The following PHLPP1 variants were observed in gnomAD, a reference collection of about 807,000 sequenced individuals.
The protein encoded by PHLPP1 is PH domain leucine-rich repeat-containing protein phosphatase 1.
PHLPP1 carries 42 observed loss-of-function variants against 117.2 expected under a neutral mutation model. That is an observed-to-expected ratio of 0.36 (90% CI 0.28 to 0.46). The LOEUF (loss-of-function observed/expected upper bound fraction) is 0.46. Ranked by LOEUF, PHLPP1 falls within the 20% of genes least tolerant of loss-of-function variation. The probability of loss-of-function intolerance (pLI) is 1.00; values close to 1 mark genes in which losing one functional copy is unlikely to be tolerated. For missense variants in PHLPP1, 2,084 were observed against 2,241.9 expected (o/e 0.93, Z 1.42); for synonymous variants, 1,042 against 970.7 (o/e 1.07, Z -1.37).
chr18:62,950,623 G>A (rs1910424499), intron 12 of PHLPP1, among the ~76,000 whole-genome samples: 1 of 152,202 alleles, frequency 6.6e-6, no homozygotes, highest in Admixed American at 6.5e-5. Context: ...GACAGGTCAG[G>A]AACCAAGTTT....
intron 1 of PHLPP1, among the ~76,000 whole-genome samples, chr18:62,737,808 T>C (rs1471733507): frequency 6.6e-6 from 1 of 152,014 alleles, no homozygotes; most frequent in African/African-American, 2.4e-5. Context: ...AGAAGTTAGA[T>C]GAAGGTCTAC....
chr18:62,812,716 CT>C (rs67924353), intron 1 of PHLPP1, among the ~76,000 whole-genome samples: 8,872 of 146,008 alleles, frequency 0.061, 323 homozygotes, highest in Middle Eastern at 0.093. Context: ...TGCCTGTGAC[CT>C]TTTTTTTTTT....
intron 1 of PHLPP1, among the ~76,000 whole-genome samples, 157 bp from the exon 2 acceptor site, chr18:62,829,878 C>G (rs1179260462): frequency 6.6e-6 from 1 of 152,162 alleles, no homozygotes; most frequent in African/African-American, 2.4e-5. Flanking sequence ...TACCATAATT[C>G]CATTATGACA....
chr18:62,972,816 G>T, intron 15 of PHLPP1, 108 bp downstream of exon 15: 3 of 817,004 alleles, frequency 3.7e-6, no homozygotes, highest in Non-Finnish European at 5.8e-6. Flanking sequence ...CATGTTTTTT[G>T]ACTATGAGTA....
At chr18:62,803,927 C>A (rs1913857746) in intron 1 of PHLPP1, among the ~76,000 whole-genome samples, 1 of 152,026 alleles carries the variant, frequency 6.6e-6, no homozygotes, top group African/African-American at 2.4e-5. Flanking sequence ...ATTCGCATTT[C>A]CCTGAAACTA....
At chr18:62,773,267 C>G (rs1361100516) in intron 1 of PHLPP1, among the ~76,000 whole-genome samples, 3 of 152,144 alleles carry the variant, frequency 2.0e-5, no homozygotes, top group Non-Finnish European at 4.4e-5. Context: ...TGGAAAACAT[C>G]AAGCAGTATA....
At chr18:62,918,081 C>T (rs983637964) in intron 9 of PHLPP1, among the ~76,000 whole-genome samples, 5 of 151,594 alleles carry the variant, frequency 3.3e-5, no homozygotes, top group Non-Finnish European at 7.4e-5. Flanking sequence ...TGGTGCACGC[C>T]TGTAGTCCCA....
At chr18:62,913,341 T>C (rs767775221) in intron 8 of PHLPP1, among the ~76,000 whole-genome samples, 31 of 152,150 alleles carry the variant, frequency 2.0e-4, no homozygotes, top group Non-Finnish European at 3.1e-4. Flanking sequence ...GGGCTTCAAA[T>C]CCAGAACTGT....
At chr18:62,723,774 T>C (rs1910989688) in intron 1 of PHLPP1, among the ~76,000 whole-genome samples, 1 of 152,186 alleles carries the variant, frequency 6.6e-6, no homozygotes, top group African/African-American at 2.4e-5. Context: ...ATGTACTGCT[T>C]TTTAGAGAAA....
intron 10 of PHLPP1, among the ~76,000 whole-genome samples, chr18:62,926,779 G>A (rs1001370161): frequency 3.3e-5 from 5 of 152,196 alleles, no homozygotes; most frequent in Non-Finnish European, 7.3e-5. Flanking sequence ...AGCATCTTCT[G>A]TGAGAAATGT....
intron 10 of PHLPP1, among the ~76,000 whole-genome samples, chr18:62,930,567 C>A (rs765891887): frequency 2.6e-5 from 4 of 152,098 alleles, no homozygotes; most frequent in African/African-American, 4.8e-5. Flanking sequence ...ATTTATAAAA[C>A]GAATACCAGA....
At chr18:62,885,552 C>T (rs566318784) in intron 4 of PHLPP1, among the ~76,000 whole-genome samples, 1 of 152,102 alleles carries the variant, frequency 6.6e-6, no homozygotes, top group South Asian at 2.1e-4. Context: ...CCCAGCTACT[C>T]GGGAGGCTGA....
At chr18:62,941,028 C>G (rs996826921) in intron 10 of PHLPP1, among the ~76,000 whole-genome samples, 2 of 152,136 alleles carry the variant, frequency 1.3e-5, no homozygotes, top group Non-Finnish European at 2.9e-5. Flanking sequence ...CTGGCTTCTT[C>G]TGGTCATTAT....
At chr18:62,729,587 A>C (rs914744803) in intron 1 of PHLPP1, among the ~76,000 whole-genome samples, 2 of 152,274 alleles carry the variant, frequency 1.3e-5, no homozygotes, top group East Asian at 3.9e-4. Flanking sequence ...AGGCAGGAGA[A>C]TCGCTTGAAC....
chr18:62,870,463 A>G (rs1336360929), intron 4 of PHLPP1, among the ~76,000 whole-genome samples: 1 of 152,154 alleles, frequency 6.6e-6, no homozygotes, highest in Admixed American at 6.5e-5. Flanking sequence ...TATGCCATAT[A>G]TTTAGTTGCT....
chr18:62,850,749 G>A (rs1478880302), intron 3 of PHLPP1, among the ~76,000 whole-genome samples: 2 of 152,162 alleles, frequency 1.3e-5, no homozygotes, highest in Non-Finnish European at 2.9e-5. Flanking sequence ...GGTGGCTCAT[G>A]ATTTTGGAAA....
At position 62,848,502 on chromosome 18, in the gene PHLPP1, G is replaced by A. The variant is rs1438733740; in HGVS notation, c.1899+9593G>A. On this transcript the variant is annotated intron_variant, in intron 3 of 16. Coordinates refer to ENST00000262719, the MANE Select transcript of PHLPP1 (RefSeq NM_194449.4). ...TTTTGAGACAGGGTCTCACTGTGTC[G>A]CTCAAGCTGCTGTGCAGTGGCATGA... Among the ~76,000 whole-genome samples the A allele has an allele frequency of 8.6e-5, 11 of 128,006 alleles. No individual in the cohort carries two copies. In the East Asian group the frequency reaches 1.1e-3, roughly 13 times the overall value. The allele number at this position is 128,006 out of a possible 152,430, so 84.0% of individuals were successfully genotyped here. A position where few individuals can be genotyped will look rare whatever the true frequency, so the allele number is the denominator to read the frequency against.
chr18:62,771,985 A>C (rs545665214), intron 1 of PHLPP1, among the ~76,000 whole-genome samples: 1 of 152,340 alleles, frequency 6.6e-6, no homozygotes, highest in African/African-American at 2.4e-5. Context: ...CTGTATGATC[A>C]GTTTCTTCTT....
At chr18:62,890,421 A>G (rs936701026) in intron 4 of PHLPP1, among the ~76,000 whole-genome samples, 2 of 151,848 alleles carry the variant, frequency 1.3e-5, no homozygotes, top group East Asian at 1.9e-4. Context: ...ACCCGCCACC[A>G]CGCTCGGCTA....
Sources: allele counts gnomAD v4.1 joint callset (sites outside exome capture counted in the v4.1 genomes callset), GRCh38; gene constraint gnomAD v4.1.1; transcripts MANE v1.5; gene names NCBI Gene and HGNC (gene_info 2026-07-23, HGNC 2026-07-21).